Variants in BMP5 observed in about 807,000 individuals in gnomAD.
BMP5 encodes bone morphogenetic protein 5.
A neutral mutation model predicts 46.6 loss-of-function variants in BMP5; 23 were observed. The ratio of observed to expected loss-of-function variants is 0.49; its 90% CI spans 0.35 to 0.70. The LOEUF (loss-of-function observed/expected upper bound fraction) is 0.70. Ranked by LOEUF, BMP5 falls within the 30% of genes least tolerant of loss-of-function variation. The pLI, the probability that BMP5 is intolerant of heterozygous loss-of-function variation, is 0.00. For missense variants in BMP5, 545 were observed against 565.6 expected, an observed-to-expected ratio of 0.96 and a Z score of 0.37; for synonymous variants, 204 against 191.9, an observed-to-expected ratio of 1.06 and a Z score of -0.52.
intron 1 of BMP5, among the ~76,000 whole-genome samples, chr6:55,855,577 G>A (rs570921453): frequency 6.6e-6 from 1 of 152,178 alleles, no homozygotes; most frequent in South Asian, 2.1e-4. Context: ...ACCCTTAGAC[G>A]AATTAATCCT....
intron 5 of BMP5, among the ~76,000 whole-genome samples, chr6:55,759,851 T>A (rs1774721884): frequency 6.6e-6 from 1 of 151,944 alleles, no homozygotes. Flanking sequence ...TTTGAATATA[T>A]TTACATTTTA....
intron 6 of BMP5, among the ~76,000 whole-genome samples, chr6:55,757,668 C>G (rs1774643241): frequency 6.6e-6 from 1 of 151,898 alleles, no homozygotes; most frequent in African/African-American, 2.4e-5. Context: ...GAAATTTACT[C>G]TTTACCTTGT....
chr6:55,824,147 T>G (rs146972179), intron 1 of BMP5, among the ~76,000 whole-genome samples: 1 of 151,990 alleles, frequency 6.6e-6, no homozygotes, highest in East Asian at 1.9e-4. Flanking sequence ...TTAAGAAAGA[T>G]CTTTGTCTTA....
intron 1 of BMP5, among the ~76,000 whole-genome samples, chr6:55,829,077 A>G (rs1265560676): frequency 6.6e-6 from 1 of 151,894 alleles, no homozygotes; most frequent in Admixed American, 6.6e-5. Flanking sequence ...GAATAAAACT[A>G]TAAGAATATA....
At chr6:55,826,350 A>C (rs1265264930) in intron 1 of BMP5, among the ~76,000 whole-genome samples, 2 of 151,836 alleles carry the variant, frequency 1.3e-5, no homozygotes, top group Non-Finnish European at 2.9e-5. Context: ...TAAAGAAGCA[A>C]AATCTCAAAG....
chr6:55,807,787 G>A (rs933587311), intron 2 of BMP5, among the ~76,000 whole-genome samples: 10 of 152,116 alleles, frequency 6.6e-5, no homozygotes, highest in African/African-American at 2.4e-4. Flanking sequence ...TTAAGTCTTG[G>A]GAGGGTGTAT....
At chr6:55,763,209 G>A (rs1277101447) in intron 4 of BMP5, among the ~76,000 whole-genome samples, 1 of 151,920 alleles carries the variant, frequency 6.6e-6, no homozygotes, top group Non-Finnish European at 1.5e-5. Context: ...GCACATACAT[G>A]TTTATATGAA....
At chr6:55,860,551 GC>G (rs1040864263) in intron 1 of BMP5, among the ~76,000 whole-genome samples, 1 of 152,096 alleles carries the variant, frequency 6.6e-6, no homozygotes, top group Admixed American at 6.6e-5. Context: ...TTACAATTGG[GC>G]TATTGGTAGA....
intron 4 of BMP5, among the ~76,000 whole-genome samples, chr6:55,765,452 T>C (rs941227836): frequency 7.9e-5 from 12 of 152,164 alleles, no homozygotes; most frequent in Admixed American, 7.9e-4. Flanking sequence ...AGGAAGTTGA[T>C]ACCTAAAGCA....
At chr6:55,841,274 C>T (rs1776945444) in intron 1 of BMP5, among the ~76,000 whole-genome samples, 1 of 152,036 alleles carries the variant, frequency 6.6e-6, no homozygotes, top group African/African-American at 2.4e-5. Context: ...ACCAAATTTT[C>T]AGTTATTTTT....
intron 1 of BMP5, among the ~76,000 whole-genome samples, chr6:55,844,596 A>C (rs1777051387): frequency 6.6e-6 from 1 of 151,956 alleles, no homozygotes; most frequent in South Asian, 2.1e-4. Context: ...AGATGCCAAA[A>C]TAGTTTACAG....
At position 55,790,796 on chromosome 6, in the gene BMP5, G is replaced by A. The variant is rs781602429; in HGVS notation, c.832+3483C>T. ...CTGCTGACCCAGTTTCAAGGCCACCGCTACCATGGCTCTTTTGGCTCCATC... is the reference window on the plus strand; with the variant it reads ...CTGCTGACCCAGTTTCAAGGCCACCACTACCATGGCTCTTTTGGCTCCATC... On this transcript the variant is annotated intron_variant, in intron 3 of 6. Transcript: ENST00000370830. 5.1e-4 allele frequency among the ~76,000 whole-genome samples: 78 copies of A among 152,126 alleles called. 1 individual carries two copies. The highest frequency in any genetic ancestry group is 1.2e-3 in the African/African-American group (51 of 41,500).
intron 2 of BMP5, among the ~76,000 whole-genome samples, chr6:55,818,154 T>C (rs959534776): frequency 3.3e-5 from 5 of 152,116 alleles, no homozygotes; most frequent in South Asian, 2.1e-4. Context: ...GTCCACAGCC[T>C]CCTTTTGGGT....
chr6:55,856,843 C>T (rs1009889260), intron 1 of BMP5, among the ~76,000 whole-genome samples: 9 of 151,926 alleles, frequency 5.9e-5, no homozygotes, highest in Non-Finnish European at 1.2e-4. Context: ...TATTTAAGTA[C>T]AAAATTATTT....
intron 2 of BMP5, among the ~76,000 whole-genome samples, chr6:55,797,204 A>G (rs1775736731): frequency 6.6e-6 from 1 of 152,142 alleles, no homozygotes; most frequent in African/African-American, 2.4e-5. Flanking sequence ...CATTCTGTAG[A>G]ATGTTAGAGG....
In BMP5 at chr6:55,874,691, A is replaced by G. The variant is rs1458593563; in HGVS notation, c.175T>C (p.Leu59=). Residue 59 remains leucine (L), a synonymous_variant, in exon 1 of 7, where the codon TTG becomes CTG. Coordinates refer to ENST00000370830, the MANE Select transcript of BMP5 (RefSeq NM_021073.4). Reference sequence around the variant, plus strand: ...GGTCTGGGTCTGTGAGGCAAACCCAAGATAGAGAGAATTTCCCTTTGTATT... The same window carrying G: ...GGTCTGGGTCTGTGAGGCAAACCCAGGATAGAGAGAATTTCCCTTTGTATT... ...REIQREILSI[L]GLPHRPRPFS... is the part of the protein sequence containing the mutation. 1.2e-6 allele frequency: 2 copies of G among 1,613,560 alleles called. No individual in the cohort carries two copies. The highest frequency in any genetic ancestry group is 1.7e-6 in the Non-Finnish European group (2 of 1,179,734).
intron 2 of BMP5, among the ~76,000 whole-genome samples, chr6:55,814,224 C>T (rs1206855522): frequency 1.3e-5 from 2 of 152,002 alleles, no homozygotes; most frequent in African/African-American, 4.8e-5. Context: ...ATTTTACTTA[C>T]TTTATCTTTA....
intron 4 of BMP5, among the ~76,000 whole-genome samples, 188 bp downstream of exon 4, chr6:55,773,859 CAT>C (rs1775104521): frequency 6.6e-6 from 1 of 151,836 alleles, no homozygotes; most frequent in Non-Finnish European, 1.5e-5. Context: ...GAAGGCAACT[CAT>C]ATGTATTTTA....
At chr6:55,780,456 T>TAAAAAAAAAAAAAA (rs369703099) in intron 3 of BMP5, among the ~76,000 whole-genome samples, 1 of 62,026 alleles carries the variant, frequency 1.6e-5, no homozygotes, top group African/African-American at 8.4e-5. Flanking sequence ...CCATCACTAC[T>TAAAAAAAAAAAAAA]AAAAAAAAAA....
Sources: allele counts gnomAD v4.1 joint callset (sites outside exome capture counted in the v4.1 genomes callset), GRCh38; gene constraint gnomAD v4.1.1; transcripts MANE v1.5; gene names NCBI Gene and HGNC (gene_info 2026-07-23, HGNC 2026-07-21).